Variants in LRRK1 observed in about 807,000 individuals in gnomAD.
LRRK1 encodes the protein leucine-rich repeat serine/threonine-protein kinase 1.
Under a neutral mutation model 209.1 loss-of-function variants are expected in LRRK1, and 113 were observed. That is an observed-to-expected ratio of 0.54 (90% CI 0.46 to 0.63). The LOEUF (loss-of-function observed/expected upper bound fraction) is 0.63, where lower values mean the gene tolerates loss of function less well. Ranked by LOEUF, LRRK1 falls within the 30% of genes least tolerant of loss-of-function variation. LRRK1 has a pLI of 0.00. For missense variants in LRRK1, 2,284 were observed against 2,632.2 expected (o/e 0.87, Z 2.89); for synonymous variants, 1,144 against 1,099.7 (o/e 1.04, Z -0.80).
At chr15:101,016,841 G>T (rs1455335615) in intron 12 of LRRK1, among the ~76,000 whole-genome samples, 1 of 152,230 alleles carries the variant, frequency 6.6e-6, no homozygotes, top group Non-Finnish European at 1.5e-5. Context: ...AGGCTGAGGT[G>T]AGGCCAAGGT....
chr15:100,963,479 A>G (rs4965743), intron 2 of LRRK1, among the ~76,000 whole-genome samples: 106,984 of 152,006 alleles, frequency 0.7, 37,978 homozygotes, highest in Middle Eastern at 0.76. Context: ...GCGCTGCTGT[A>G]GACGTTAAGT....
At chr15:101,042,100 G>A (rs2034788703) in intron 20 of LRRK1, among the ~76,000 whole-genome samples, 1 of 152,158 alleles carries the variant, frequency 6.6e-6, no homozygotes, top group South Asian at 2.1e-4. Flanking sequence ...GAAATTAAGG[G>A]AAAAATGTTG....
At chr15:100,996,083 G>A (rs76361456) in intron 6 of LRRK1, among the ~76,000 whole-genome samples, 2,793 of 152,364 alleles carry the variant, frequency 0.018, 99 homozygotes, top group African/African-American at 0.064. Context: ...CCAGGGCTGC[G>A]TGCTCATGAG....
rs1439992221 is a variant in LRRK1 at position 101,008,881 on chromosome 15, C to T, written c.807C>T (p.Asp269=). The T allele has an allele frequency of 1.2e-6, 2 of 1,614,230 alleles. No individual in the cohort carries two copies. The highest frequency in any genetic ancestry group is 2.2e-5 in the South Asian group (2 of 91,088). ...CCCATCTCAGACTGCCCTGGGTAGACCTAGACTGGCTCATAGACATCTCCT... is the reference window on the plus strand; with the variant it reads ...CCCATCTCAGACTGCCCTGGGTAGATCTAGACTGGCTCATAGACATCTCCT... ...KWSHLRLPWV[D]LDWLIDISCQ... Residue 269 remains aspartate, a synonymous_variant, in exon 7 of 34, where the codon GAC becomes GAT. Transcript: ENST00000388948.
chr15:101,046,246 T>G, intron 21 of LRRK1, 94 bp downstream of exon 21: 1 of 1,329,712 alleles, frequency 7.5e-7, no homozygotes, highest in Non-Finnish European at 1.0e-6. Context: ...TGGGGGGCCC[T>G]GCCTGGAGAC....
chr15:101,065,355 T>C lies in LRRK1; in HGVS notation c.4918T>C (p.Ser1640Pro), dbSNP rs2036468764. 2 of 1,612,232 alleles carry C rather than the reference T, an allele frequency of 1.2e-6. No individual in the cohort carries two copies. The highest frequency in any genetic ancestry group is 1.7e-5 in the Admixed American group (1 of 59,982). ...FLAVPVIKKN[S>P]YLVLAGLADG... ...CATCCCTGTCTCCTTCCTTCAGAAT[T>C]CCTACCTGGTCTTAGCGGGCCTCGC... is the stretch of plus-strand genomic sequence containing the variant. The change falls in exon 32 of 34, where the codon TCC becomes CCC. Residue 1640 changes from serine (S) to proline (P), a missense_variant. Coordinates refer to ENST00000388948, the MANE Select transcript of LRRK1 (RefSeq NM_024652.6).
chr15:100,946,978 TC>T (rs2042550809), intron 2 of LRRK1, among the ~76,000 whole-genome samples: 1 of 152,194 alleles, frequency 6.6e-6, no homozygotes. Flanking sequence ...TTTTTCTTTT[TC>T]TTTTTTTTTG....
intron 14 of LRRK1, 26 bp downstream of exon 14, chr15:101,021,983 T>G: frequency 6.6e-7 from 1 of 1,506,106 alleles, no homozygotes; most frequent in Non-Finnish European, 9.2e-7. Context: ...CCCTGTCCCC[T>G]GCCATCACCT....
intron 25 of LRRK1, 38 bp from the exon 26 acceptor site, chr15:101,053,185 C>T: frequency 6.3e-7 from 1 of 1,595,962 alleles, no homozygotes; most frequent in Non-Finnish European, 8.5e-7. Flanking sequence ...TGCAGGCACC[C>T]CATGTCCTAC....
intron 6 of LRRK1, 110 bp from the exon 7 acceptor site, chr15:101,008,727 C>G (rs947284012): frequency 3.4e-4 from 279 of 828,432 alleles, no homozygotes; most frequent in South Asian, 2.9e-4. Context: ...GGGACCCGGG[C>G]TGGAGCAGGC....
intron 6 of LRRK1, among the ~76,000 whole-genome samples, chr15:100,999,567 C>T (rs2032592058): frequency 6.6e-6 from 1 of 152,182 alleles, no homozygotes; most frequent in Non-Finnish European, 1.5e-5. Context: ...TTTAATGGCC[C>T]TTGCAAAGTA....
At chr15:101,033,272 G>A (rs1399509250) in intron 20 of LRRK1, among the ~76,000 whole-genome samples, 2 of 152,142 alleles carry the variant, frequency 1.3e-5, no homozygotes, top group Admixed American at 6.5e-5. Context: ...CTTTCTATGT[G>A]TTGGTATCAT....
chr15:101,044,826 G>C (rs1470836551), intron 20 of LRRK1, among the ~76,000 whole-genome samples: 1 of 152,214 alleles, frequency 6.6e-6, no homozygotes, highest in African/African-American at 2.4e-5. Flanking sequence ...AGCAGGCACG[G>C]CCCAGGGCCT....
intron 2 of LRRK1, among the ~76,000 whole-genome samples, chr15:100,938,952 G>T (rs1343478078): frequency 6.9e-6 from 1 of 144,538 alleles, no homozygotes; most frequent in African/African-American, 2.5e-5. Context: ...AACTAGCGAG[G>T]CATGGTGGCG....
chr15:100,935,763 T>C (rs1271726368), intron 2 of LRRK1, among the ~76,000 whole-genome samples: 1 of 152,118 alleles, frequency 6.6e-6, no homozygotes, highest in Admixed American at 6.5e-5. Flanking sequence ...CAACGAATGA[T>C]CATTTCCCAG....
intron 2 of LRRK1, among the ~76,000 whole-genome samples, chr15:100,950,288 G>GAAGCGT (rs1289701889): frequency 1.3e-5 from 2 of 152,162 alleles, no homozygotes; most frequent in African/African-American, 4.8e-5. Flanking sequence ...TGTAACAAAA[G>GAAGCGT]AAGCGTAAGA....
At chr15:100,935,823 G>T (rs1032069989) in intron 2 of LRRK1, among the ~76,000 whole-genome samples, 19 of 152,186 alleles carry the variant, frequency 1.2e-4, no homozygotes, top group African/African-American at 4.6e-4. Context: ...GGTTCTTCTT[G>T]CTTCACTCCC....
In LRRK1 at chr15:101,009,081, G is replaced by A. The variant is rs192527369; in HGVS notation, c.989+18G>A. ...TGTTCCAGGTGGCTCCCCGGGGTGT[G>A]ACCGGAGCCGTGTGTGACCCCGCTG... On this transcript the variant is annotated intron_variant, in intron 7 of 33. Transcript: ENST00000388948. The A allele has an allele frequency of 5.3e-5, 84 of 1,578,850 alleles. No homozygotes were observed. In the African/African-American group the frequency reaches 6.1e-4, roughly 11 times the overall value.
At position 100,988,362 on chromosome 15, in the gene LRRK1, A is replaced by G. The variant is rs139859279; in HGVS notation, c.434-272A>G. Among the ~76,000 whole-genome samples, 105 of 152,156 alleles carry G rather than the reference A, an allele frequency of 6.9e-4. 2 individuals carry two copies. The East Asian group carries it at 0.018, about 26-fold the overall frequency. ...CCTTCTTTGTGTCCACGTGCATTCAATGTTTAGCTCCCCCTTATAAGTGAT... is the reference window on the plus strand; with the variant it reads ...CCTTCTTTGTGTCCACGTGCATTCAGTGTTTAGCTCCCCCTTATAAGTGAT... On this transcript the variant is annotated intron_variant, in intron 4 of 33. Coordinates refer to ENST00000388948, the MANE Select transcript of LRRK1 (RefSeq NM_024652.6).
Sources: gnomAD v4.1 joint callset for allele counts (sites outside exome capture counted in the v4.1 genomes callset) on GRCh38, gnomAD v4.1.1 for gene constraint, MANE v1.5 for transcripts, NCBI Gene and HGNC (gene_info 2026-07-23, HGNC 2026-07-21) for gene names.